Variants in ULK4 observed in about 807,000 individuals in gnomAD.
ULK4 encodes inactive serine/threonine-protein kinase ULK4.
In ULK4, 133 loss-of-function variants were observed where a neutral mutation model predicts 160.6. The observed-to-expected ratio is 0.83, with a 90% CI of 0.72 to 0.96. The LOEUF (loss-of-function observed/expected upper bound fraction) is 0.96. Among genes scored for constraint, ULK4 ranks in the 40% least tolerant of loss-of-function variants. The pLI, the probability that ULK4 is intolerant of heterozygous loss-of-function variation, is 0.00. For synonymous variants in ULK4, 534 were observed against 539.8 expected (o/e 0.99, Z 0.15); for missense variants, 1,580 against 1,499.5 (o/e 1.05, Z -0.89).
At chr3:41,932,576 T>C (rs1699636701) in intron 4 of ULK4, among the ~76,000 whole-genome samples, 1 of 152,252 alleles carries the variant, frequency 6.6e-6, no homozygotes, top group African/African-American at 2.4e-5. Context: ...AGTAAAGGGT[T>C]TGTAACAGTC....
intron 35 of ULK4, among the ~76,000 whole-genome samples, chr3:41,293,212 CAACTT>C (rs2079606583): frequency 6.6e-6 from 1 of 152,018 alleles, no homozygotes; most frequent in African/African-American, 2.4e-5. Context: ...AGCCAGGAAA[CAACTT>C]AAGATTCACA....
chr3:41,255,083 A>G (rs1018489660), intron 35 of ULK4, among the ~76,000 whole-genome samples: 7 of 151,360 alleles, frequency 4.6e-5, no homozygotes, highest in Non-Finnish European at 7.4e-5. Flanking sequence ...AATAAAACAT[A>G]TCTCTTATAT....
In ULK4 at chr3:41,343,613, C is replaced by G. The variant is rs563887422; in HGVS notation, c.3678+54466G>C. ...GCCACCACGCCTGACCAATGATACT[C>G]TCAAAAACTTCTTAAGTTGATAAGC... is the stretch of plus-strand genomic sequence containing the variant. On this transcript the variant is annotated intron_variant, in intron 35 of 36. Coordinates refer to ENST00000301831, the MANE Select transcript of ULK4 (RefSeq NM_017886.4). Among the ~76,000 whole-genome samples, 139 of 152,200 alleles carry G rather than the reference C, an allele frequency of 9.1e-4. 3 individuals are homozygous for G. In the South Asian group the frequency reaches 0.028, roughly 31 times the overall value.
rs149253720 is a variant in ULK4, at chr3:41,853,420, G to T, written c.1657-17449C>A. 3.4e-3 allele frequency among the ~76,000 whole-genome samples: 515 copies of T among 152,242 alleles called. 3 individuals are homozygous for T. The highest frequency in any genetic ancestry group is 0.012 in the African/African-American group (490 of 41,538). On this transcript the variant is annotated intron_variant, in intron 17 of 36. Transcript: ENST00000301831. ...CCTGGGCATAAGAACTTATTTAAATGTTAAAATAGAGAGCATTAAGACTGA... is the reference window on the plus strand; with the variant it reads ...CCTGGGCATAAGAACTTATTTAAATTTTAAAATAGAGAGCATTAAGACTGA...
intron 31 of ULK4, among the ~76,000 whole-genome samples, chr3:41,588,428 G>T (rs553383672): frequency 4.6e-5 from 7 of 152,122 alleles, no homozygotes; most frequent in Non-Finnish European, 7.4e-5. Context: ...CAAAATCATG[G>T]TGTTTGAAGC....
chr3:41,509,681 T>C (rs900117081), intron 32 of ULK4, among the ~76,000 whole-genome samples: 7 of 152,162 alleles, frequency 4.6e-5, no homozygotes, highest in African/African-American at 1.4e-4. Context: ...TAGCCTCCTT[T>C]AACAAAATAA....
At chr3:41,418,920 T>C (rs949955203) in intron 34 of ULK4, among the ~76,000 whole-genome samples, 1 of 152,202 alleles carries the variant, frequency 6.6e-6, no homozygotes, top group Admixed American at 6.5e-5. Context: ...CACAGAGTTG[T>C]TAGAAAAGGG....
intron 31 of ULK4, among the ~76,000 whole-genome samples, chr3:41,607,294 T>C (rs1347787102): frequency 6.6e-6 from 1 of 152,138 alleles, no homozygotes; most frequent in Non-Finnish European, 1.5e-5. Flanking sequence ...GATTTGCAAC[T>C]TAATTATGAA....
At chr3:41,871,549 A>G (rs1446802619) in intron 17 of ULK4, among the ~76,000 whole-genome samples, 3 of 152,242 alleles carry the variant, frequency 2.0e-5, no homozygotes, top group East Asian at 3.8e-4. Flanking sequence ...ATATTGCTTT[A>G]ATAGGTGTAT....
intron 21 of ULK4, among the ~76,000 whole-genome samples, chr3:41,758,897 T>A (rs1287553011): frequency 6.6e-6 from 1 of 151,266 alleles, no homozygotes; most frequent in African/African-American, 2.4e-5. Flanking sequence ...AAAGGTGTAA[T>A]TCATCATAAT....
rs867977884 is a variant in ULK4, at chr3:41,855,811, T to G, written c.1657-19840A>C. Among the ~76,000 whole-genome samples, 7 of 152,274 alleles carry G rather than the reference T, an allele frequency of 4.6e-5. No individual in the cohort carries two copies. In the Middle Eastern group the frequency reaches 0.01, roughly 222 times the overall value. ...ATGTTTCTTTCATCTAGTAGAAAATTAAATGTGATGCTTTGCTAGGTTCCC... is the reference window on the plus strand; with the variant it reads ...ATGTTTCTTTCATCTAGTAGAAAATGAAATGTGATGCTTTGCTAGGTTCCC... On this transcript the variant is annotated intron_variant, in intron 17 of 36. Transcript: ENST00000301831.
intron 32 of ULK4, among the ~76,000 whole-genome samples, chr3:41,489,576 C>A (rs185010576): frequency 2.6e-5 from 4 of 152,228 alleles, no homozygotes; most frequent in Middle Eastern, 6.8e-3. Context: ...TCCCCATGAC[C>A]CCCCACCTCA....
chr3:41,267,082 C>T (rs2079051188), intron 35 of ULK4, among the ~76,000 whole-genome samples: 1 of 139,304 alleles, frequency 7.2e-6, no homozygotes, highest in Non-Finnish European at 1.5e-5. Flanking sequence ...ATGTACAGTA[C>T]ATGCAGGTTG....
chr3:41,457,704 C>A (rs1186529162), intron 33 of ULK4, among the ~76,000 whole-genome samples: 1 of 152,178 alleles, frequency 6.6e-6, no homozygotes, highest in Non-Finnish European at 1.5e-5. Flanking sequence ...GGATTTGCCA[C>A]CCTTTGTGTG....
rs78809751 is a variant in ULK4 at position 41,634,528 on chromosome 3, T to C, written c.3072-18811A>G. ...GAGAAAAAGAAAAATGCATGGCAAG[T>C]AGCAGAATATGTAAGAGAATAGCGT... On this transcript the variant is annotated intron_variant, in intron 30 of 36. Transcript: ENST00000301831. Among the ~76,000 whole-genome samples the C allele has an allele frequency of 9.9e-3, 1,510 of 152,308 alleles. 20 individuals carry two copies. Among genetic ancestry groups the C allele is most frequent in the African/African-American group, 0.035 (1,448 of 41,570 alleles).
intron 35 of ULK4, among the ~76,000 whole-genome samples, chr3:41,316,961 A>G (rs1051418837): frequency 4.6e-5 from 7 of 152,014 alleles, no homozygotes; most frequent in African/African-American, 1.7e-4. Flanking sequence ...TTTTCTATGC[A>G]ATTTTAATTT....
intron 32 of ULK4, among the ~76,000 whole-genome samples, chr3:41,534,101 C>T (rs1268984448): frequency 1.3e-5 from 2 of 152,194 alleles, no homozygotes; most frequent in African/African-American, 2.4e-5. Flanking sequence ...CCACCTTGCT[C>T]GGCCGAAAGT....
chr3:41,556,645 G>A (rs2087312557), intron 32 of ULK4, among the ~76,000 whole-genome samples: 1 of 151,834 alleles, frequency 6.6e-6, no homozygotes, highest in Non-Finnish European at 1.5e-5. Context: ...GTGCCACCAT[G>A]CCTGGCTAAC....
chr3:41,847,298 T>C (rs2042092985), intron 17 of ULK4, among the ~76,000 whole-genome samples: 1 of 152,202 alleles, frequency 6.6e-6, no homozygotes, highest in Non-Finnish European at 1.5e-5. Context: ...CAACTAATAT[T>C]CTAATACTTG....
Sources: gnomAD v4.1 joint callset for allele counts (sites outside exome capture counted in the v4.1 genomes callset) on GRCh38, gnomAD v4.1.1 for gene constraint, MANE v1.5 for transcripts, NCBI Gene and HGNC (gene_info 2026-07-23, HGNC 2026-07-21) for gene names.